DCAF12: variants seen among roughly 807,000 people sequenced by gnomAD.
DCAF12 encodes the protein DDB1- and CUL4-associated factor 12.
A neutral mutation model predicts 52.8 loss-of-function variants in DCAF12; 28 were observed. The observed-to-expected ratio is 0.53, with a 90% confidence interval of 0.39 to 0.73. The LOEUF (loss-of-function observed/expected upper bound fraction) is 0.73. Ranked by LOEUF, DCAF12 falls within the 30% of genes least tolerant of loss-of-function variation. DCAF12 has a pLI of 0.00. For missense variants in DCAF12, 425 were observed against 552.2 expected (o/e 0.77, Z 2.31); for synonymous variants, 196 against 215.5 (o/e 0.91, Z 0.79).
intron 4 of DCAF12, among the ~76,000 whole-genome samples, chr9:34,099,706 G>C (rs987080267): frequency 9.2e-5 from 14 of 151,736 alleles, no homozygotes; most frequent in African/African-American, 3.4e-4. Flanking sequence ...CGATTCTCCT[G>C]CCTCAGCCTC....
intron 4 of DCAF12, among the ~76,000 whole-genome samples, chr9:34,105,279 C>T (rs552859296): frequency 2.0e-4 from 30 of 151,056 alleles, no homozygotes; most frequent in Admixed American, 4.0e-4. Flanking sequence ...CATACTAAGG[C>T]TGGGTGCAGT....
chr9:34,104,218 T>C (rs575483566), intron 4 of DCAF12, among the ~76,000 whole-genome samples: 1 of 151,494 alleles, frequency 6.6e-6, no homozygotes, highest in Non-Finnish European at 1.5e-5. Context: ...TGAGCCAAGA[T>C]GCACTCCAGC....
chr9:34,118,674 G>A (rs775398262), intron 2 of DCAF12, among the ~76,000 whole-genome samples: 1 of 152,084 alleles, frequency 6.6e-6, no homozygotes, highest in Non-Finnish European at 1.5e-5. Context: ...GTTAAATAAT[G>A]ATAATATGGC....
intron 2 of DCAF12, among the ~76,000 whole-genome samples, 153 bp from the exon 3 acceptor site, chr9:34,107,718 T>C (rs1217116740): frequency 6.6e-6 from 1 of 152,214 alleles, no homozygotes; most frequent in Non-Finnish European, 1.5e-5. Flanking sequence ...TCAGGACTAC[T>C]AATGACATGA....
rs543293871 is a variant in DCAF12, at chr9:34,091,849, T to A, written c.1024+1437A>T. ...ATAAAGTGAGATAAAGAAAATACAA[T>A]TTGTTAAGTTGGATTCTGGTCCCTA... On this transcript the variant is annotated intron_variant, in intron 7 of 8. Transcript: ENST00000361264. 2.0e-5 allele frequency among the ~76,000 whole-genome samples: 3 copies of A among 152,114 alleles called. No homozygotes were observed. In the South Asian group the frequency reaches 6.2e-4, roughly 32 times the overall value.
intron 2 of DCAF12, among the ~76,000 whole-genome samples, chr9:34,111,697 T>G (rs575738369): frequency 6.6e-6 from 1 of 152,126 alleles, no homozygotes; most frequent in African/African-American, 2.4e-5. Flanking sequence ...TAGAGGGAGT[T>G]TCAGGACAAT....
intron 5 of DCAF12, 78 bp downstream of exon 5, chr9:34,098,246 G>T: frequency 6.9e-7 from 1 of 1,451,136 alleles, no homozygotes; most frequent in Non-Finnish European, 9.5e-7. Context: ...AAGCACTGAT[G>T]GGGAAGGAAA....
At chr9:34,091,068 G>A (rs952028760) in intron 7 of DCAF12, among the ~76,000 whole-genome samples, 8 of 151,970 alleles carry the variant, frequency 5.3e-5, no homozygotes, top group African/African-American at 1.9e-4. Context: ...GCTCAAGCCT[G>A]TAATCCCAGT....
rs773060859 is a variant in DCAF12 at position 34,125,035 on chromosome 9, T to C, written c.321A>G (p.Thr107=). ...CCCAGGCACTTACCGTGTTGCATTT[T>C]GTGCCACACACCACTTGCCTATGAT... The part of the protein sequence containing the change: ...WLNHRQVVCG[T]KCNTLFVVDV... Residue 107 remains threonine (T), a synonymous_variant, in exon 2 of 9, where the codon ACA becomes ACG. Coordinates refer to ENST00000361264, the MANE Select transcript of DCAF12 (RefSeq NM_015397.4). The C allele has an allele frequency of 1.2e-6, 2 of 1,613,262 alleles. No individual in the cohort carries two copies. Among genetic ancestry groups the C allele is most frequent in the South Asian group, 1.1e-5 (1 of 91,034 alleles).
At chr9:34,109,106 A>G (rs1828956759) in intron 2 of DCAF12, 1 of 151,834 alleles carries the variant, frequency 6.6e-6, no homozygotes, top group African/African-American at 2.4e-5. Context: ...TGGCTATCAC[A>G]GAACAGACTA....
In DCAF12 at chr9:34,126,488, G is replaced by A; in HGVS notation, c.-57C>T. 6.4e-7 allele frequency: 1 copy of A among 1,568,060 alleles called. No individual in the cohort carries two copies. The highest frequency in any genetic ancestry group is 8.6e-7 in the Non-Finnish European group (1 of 1,163,136). ...CATGGGGCGGGGGAAGCGAAGGATA[G>A]CAGGACGGCGGGTCATATACTGGGC... is the stretch of plus-strand genomic sequence containing the variant. On this transcript the variant is annotated 5_prime_UTR_variant, in exon 1 of 9. Transcript: ENST00000361264.
At chr9:34,122,130 C>T (rs1286243934) in intron 2 of DCAF12, among the ~76,000 whole-genome samples, 1 of 152,046 alleles carries the variant, frequency 6.6e-6, no homozygotes, top group African/African-American at 2.4e-5. Flanking sequence ...CCATTTTTGG[C>T]TCATAGTACT....
intron 4 of DCAF12, among the ~76,000 whole-genome samples, chr9:34,101,650 C>T (rs1828831540): frequency 6.8e-6 from 1 of 148,104 alleles, no homozygotes; most frequent in African/African-American, 2.5e-5. Context: ...CCTCAGCCTC[C>T]CAAAGTGCAA....
intron 2 of DCAF12, among the ~76,000 whole-genome samples, chr9:34,117,685 C>T (rs990209002): frequency 1.3e-5 from 2 of 152,074 alleles, no homozygotes; most frequent in South Asian, 2.1e-4. Context: ...GAGGCCCAGG[C>T]GGGAGGATCA....
At chr9:34,119,826 T>C (rs1829143689) in intron 2 of DCAF12, among the ~76,000 whole-genome samples, 1 of 151,352 alleles carries the variant, frequency 6.6e-6, no homozygotes, top group Admixed American at 6.6e-5. Context: ...TTCAGCCTCC[T>C]GAGTAGCTAG....
rs766096633 is a variant in DCAF12, at chr9:34,126,658, T to A, written c.-227A>T. 1.7e-6 allele frequency: 1 copy of A among 579,014 alleles called. No individual in the cohort carries two copies. The highest frequency in any genetic ancestry group is 3.0e-6 in the Non-Finnish European group (1 of 333,596). The allele number at this position is 579,014 out of a possible 1,614,324, so 35.9% of individuals were successfully genotyped here. A position where few individuals can be genotyped will look rare whatever the true frequency, so the allele number is the denominator to read the frequency against. ...GAAGGGGAAGCGAGAATGAGCGGCT[T>A]TCCGACGGCAGAGCCTGCAAGGACG... On this transcript the variant is annotated 5_prime_UTR_variant, in exon 1 of 9. Transcript: ENST00000361264.
intron 4 of DCAF12, among the ~76,000 whole-genome samples, chr9:34,102,395 G>A (rs1828842909): frequency 6.6e-6 from 1 of 152,184 alleles, no homozygotes; most frequent in Non-Finnish European, 1.5e-5. Flanking sequence ...GGGCACGGTG[G>A]CTCACGCCTG....
chr9:34,123,704 T>C (rs1252508086), intron 2 of DCAF12, among the ~76,000 whole-genome samples: 1 of 152,188 alleles, frequency 6.6e-6, no homozygotes, highest in African/African-American at 2.4e-5. Context: ...GAGGCTATGA[T>C]GATTAATTCA....
In DCAF12 at chr9:34,089,586, G is replaced by A; in HGVS notation, c.1029C>T (p.Ile343=). The A allele has an allele frequency of 6.2e-7, 1 of 1,601,546 alleles. No homozygotes were observed. The highest frequency in any genetic ancestry group is 8.5e-7 in the Non-Finnish European group (1 of 1,172,576). ...TGTGCTCGTAGAAACTCACTGACCG[G>A]ATTCCTGAAAGACAGAAAAGTAAAA... The part of the protein sequence containing the change: ...SVCSRERGSG[I]RSVSFYEHII... Residue 343 remains isoleucine (I), a synonymous_variant, in exon 8 of 9, where the codon ATC becomes ATT. Coordinates refer to ENST00000361264, the MANE Select transcript of DCAF12 (RefSeq NM_015397.4).
Sources: allele counts gnomAD v4.1 joint callset (sites outside exome capture counted in the v4.1 genomes callset), GRCh38; gene constraint gnomAD v4.1.1; transcripts MANE v1.5; gene names NCBI Gene and HGNC (gene_info 2026-07-23, HGNC 2026-07-21).